Variants in TANC1 observed in about 807,000 individuals in gnomAD.
TANC1 encodes tetratricopeptide repeat, ankyrin repeat and coiled-coil containing 1.
TANC1 carries 77 observed loss-of-function variants against 149.7 expected under a neutral mutation model. That is an observed-to-expected ratio of 0.51 (90% CI 0.43 to 0.62). The LOEUF is 0.62. TANC1 is among the 20% of genes least tolerant of loss of function. The pLI, the probability that TANC1 is intolerant of heterozygous loss-of-function variation, is 0.00. For missense variants in TANC1, 1,985 were observed against 2,321.8 expected, an observed-to-expected ratio of 0.85 and a Z score of 2.98; for synonymous variants, 854 against 925.0, an observed-to-expected ratio of 0.92 and a Z score of 1.39.
intron 5 of TANC1, chr2:159,148,862 G>T: frequency 3.7e-6 from 1 of 270,058 alleles, no homozygotes; most frequent in African/African-American, 2.2e-5. Flanking sequence ...TGAAGTACCC[G>T]TTTTCACATG....
intron 4 of TANC1, among the ~76,000 whole-genome samples, chr2:159,112,624 A>G (rs1225980992): frequency 1.3e-5 from 2 of 149,114 alleles, no homozygotes; most frequent in Admixed American, 1.3e-4. Context: ...CTGGAGTGCA[A>G]TGGCACAATC....
intron 4 of TANC1, among the ~76,000 whole-genome samples, chr2:159,127,574 A>T (rs754283791): frequency 6.6e-6 from 1 of 152,286 alleles, no homozygotes; most frequent in Non-Finnish European, 1.5e-5. Context: ...ATCAATGATA[A>T]ACTAAAGGAA....
intron 19 of TANC1, among the ~76,000 whole-genome samples, chr2:159,203,220 T>TC (rs1553610225): frequency 1.5e-5 from 2 of 136,956 alleles, no homozygotes; most frequent in African/African-American, 2.5e-5. Context: ...TTTTTTTTTT[T>TC]TTTTTGAGAT....
In TANC1 at chr2:159,176,514, T is replaced by C; in HGVS notation, c.1898T>C (p.Phe633Ser). The C allele has an allele frequency of 6.3e-7, 1 of 1,588,192 alleles. No individual in the cohort carries two copies. Among genetic ancestry groups the C allele is most frequent in the Non-Finnish European group, 8.5e-7 (1 of 1,173,078 alleles). Reference protein sequence around the residue: ...LKLIVTVRANFQEIISALPFV... With the variant: ...LKLIVTVRANSQEIISALPFV... ...TTGATTGTGACTGTAAGAGCAAATT[T>C]TCAGGTAACAAAGAATTCTCAAATC... The change falls in exon 13 of 27, where the codon TTT (phenylalanine) becomes TCT (serine). Residue 633 changes from phenylalanine (F) to serine (S), a missense_variant. This residue lies in a region of TANC1 where 508 missense variants were observed against 714.2 expected (regional missense o/e 0.71). Coordinates refer to ENST00000263635, the MANE Select transcript of TANC1 (RefSeq NM_033394.3).
intron 4 of TANC1, among the ~76,000 whole-genome samples, chr2:159,120,522 A>G (rs1442902141): frequency 1.3e-5 from 2 of 152,198 alleles, no homozygotes; most frequent in African/African-American, 4.8e-5. Context: ...TCAGTGCATT[A>G]TGGTTAAAAA....
intron 24 of TANC1, 163 bp from the exon 25 acceptor site, chr2:159,227,656 C>T (rs2060095857): frequency 1.4e-6 from 1 of 695,318 alleles, no homozygotes; most frequent in Non-Finnish European, 2.4e-6. Context: ...TGTGCCAGCC[C>T]AGTTAGTGAA....
intron 3 of TANC1, among the ~76,000 whole-genome samples, chr2:159,073,362 G>A (rs562282876): frequency 2.0e-5 from 3 of 151,822 alleles, no homozygotes; most frequent in Non-Finnish European, 4.4e-5. Context: ...TTTTCCTGGT[G>A]GGGGGCATAC....
rs201866379 is a variant in TANC1, at chr2:159,224,309, C to A, written c.3756C>A (p.Ile1252=). ...GGATGCGGCCCTTGGACAGAGCCAT[C>A]GGCTGCCGGAACACATCTGTAGTGG... ...HSGMRPLDRA[I]GCRNTSVVVA... The change falls in exon 23 of 27, where the codon ATC becomes ATA. Residue 1252 remains isoleucine (I), a synonymous_variant. Transcript: ENST00000263635. 1.8e-4 allele frequency: 285 copies of A among 1,614,164 alleles called. No homozygotes were observed. In the Middle Eastern group the frequency reaches 2.1e-3, roughly 12 times the overall value.
chr2:159,070,673 A>C (rs1347873103), intron 3 of TANC1, among the ~76,000 whole-genome samples: 1 of 152,240 alleles, frequency 6.6e-6, no homozygotes, highest in African/African-American at 2.4e-5. Context: ...AACCTGGTTC[A>C]CGTGCCTCGG....
intron 1 of TANC1, among the ~76,000 whole-genome samples, chr2:158,980,214 G>A (rs2034140952): frequency 6.6e-6 from 1 of 151,674 alleles, no homozygotes; most frequent in African/African-American, 2.4e-5. Context: ...TAGATCTAGT[G>A]TTCATTATAA....
intron 1 of TANC1, among the ~76,000 whole-genome samples, chr2:158,991,049 G>A (rs1450829162): frequency 5.1e-5 from 7 of 136,736 alleles, no homozygotes; most frequent in South Asian, 4.6e-4. Flanking sequence ...CTGAGATTGC[G>A]CCACTGCACT....
rs1312063455 is a variant in TANC1, at chr2:159,176,338, AT to A, written c.1736-10del. The A allele has an allele frequency of 6.9e-7, 1 of 1,440,052 alleles. No homozygotes were observed. 89.2% of individuals were successfully genotyped at this position (1,440,052 alleles called of 1,614,324 possible). A position where few individuals can be genotyped will look rare whatever the true frequency, so the allele number is the denominator to read the frequency against. ...TATAATTTCTTAATTTGAAAAAATT[AT>A]TTTATCCTGTAGAGCAGAAAATTCC... On this transcript the variant is annotated splice_polypyrimidine_tract_variant and intron_variant, in intron 12 of 26. Transcript: ENST00000263635.
intron 16 of TANC1, among the ~76,000 whole-genome samples, chr2:159,188,562 C>T (rs919527462): frequency 6.6e-6 from 1 of 152,264 alleles, no homozygotes; most frequent in Non-Finnish European, 1.5e-5. Context: ...CTTTTCTCAG[C>T]TGACAACAGA....
At chr2:159,184,756 A>T (rs2056817477) in intron 14 of TANC1, among the ~76,000 whole-genome samples, 1 of 152,176 alleles carries the variant, frequency 6.6e-6, no homozygotes, top group Non-Finnish European at 1.5e-5. Context: ...TCAGGGAATG[A>T]CAGGGCATGT....
In TANC1 at chr2:159,230,650, C is replaced by T. The variant is rs200370703; in HGVS notation, c.5224C>T (p.Arg1742Cys). 72 of 1,614,184 alleles carry T rather than the reference C, an allele frequency of 4.5e-5. No homozygotes were observed. The highest frequency in any genetic ancestry group is 1.6e-4 in the Middle Eastern group (1 of 6,062). The change falls in exon 27 of 27, where the codon CGC becomes TGC. Residue 1742 changes from arginine (R) to cysteine (C), a missense_variant. Around this residue, in one of 3 missense-constraint regions of TANC1, gnomAD observed 920 missense variants for 994.7 expected, o/e 0.92. Transcript: ENST00000263635. This position sits in a 1 kb window ranked among gnomAD's most constrained non-coding sequence, Gnocchi z 4.4. ...RFQQQSNPPS[R>C]SWHCPAPEGL... ...CCAACAGCAGAGCAATCCTCCAAGC[C>T]GCAGCTGGCACTGTCCGGCACCAGA...
rs1258609080 is a variant in TANC1 at position 159,228,811 on chromosome 2, G to C, written c.4066G>C (p.Glu1356Gln). Residue 1356 changes from glutamate (E) to glutamine (Q), a missense_variant, in exon 26 of 27, where the codon GAG (glutamate) becomes CAG (glutamine). Glu to Gln is a conservative substitution (Grantham distance 29). This residue lies in a region of TANC1 where 920 missense variants were observed against 994.7 expected (regional missense o/e 0.92). Transcript: ENST00000263635. ...TCGACACCAGGACTTTGGCATGGCA[G>C]AGGAATTTGCTTCCAAGGCTCTCGA... ...RRKTNDFGMA[E>Q]EFASKALELK... The C allele has an allele frequency of 6.2e-7, 1 of 1,614,106 alleles. No individual in the cohort carries two copies. Among genetic ancestry groups the C allele is most frequent in the Non-Finnish European group, 8.5e-7 (1 of 1,179,938 alleles).
chr2:158,990,073 G>A (rs890204881), intron 1 of TANC1, among the ~76,000 whole-genome samples: 7 of 151,908 alleles, frequency 4.6e-5, no homozygotes, highest in Non-Finnish European at 8.8e-5. Context: ...CTGCCACCAC[G>A]CCTGGCTAAT....
At chr2:159,024,638 C>A (rs1267906750) in intron 2 of TANC1, among the ~76,000 whole-genome samples, 1 of 151,988 alleles carries the variant, frequency 6.6e-6, no homozygotes, top group African/African-American at 2.4e-5. Context: ...GTAACCCCAG[C>A]TACTCAGGAG....
At chr2:159,210,428 A>C (rs2058907131) in intron 19 of TANC1, among the ~76,000 whole-genome samples, 1 of 152,146 alleles carries the variant, frequency 6.6e-6, no homozygotes, top group African/African-American at 2.4e-5. Context: ...TTGACAATTG[A>C]GTTTTTGCAA....
Sources: gnomAD v4.1 joint callset for allele counts (sites outside exome capture counted in the v4.1 genomes callset) on GRCh38, gnomAD v4.1.1 for gene constraint, gnomAD v4.1.1 regional missense constraint, Gnocchi (gnomAD v3.1) non-coding constraint, MANE v1.5 for transcripts, NCBI Gene and HGNC (gene_info 2026-07-23, HGNC 2026-07-21) for gene names.